The following NAV2 variants were observed in gnomAD, a reference collection of about 807,000 sequenced individuals.
The protein encoded by NAV2 is helicase, APC down-regulated 1.
A neutral mutation model predicts 223.2 loss-of-function variants in NAV2; 54 were observed. The ratio of observed to expected loss-of-function variants is 0.24; its 90% CI spans 0.19 to 0.30. The LOEUF (loss-of-function observed/expected upper bound fraction) is 0.30. NAV2 is among the 10% of genes least tolerant of loss of function. The pLI is 1.00. For missense variants in NAV2, 2,806 were observed against 3,147.5 expected (o/e 0.89, Z 2.60); for synonymous variants, 1,279 against 1,239.3 (o/e 1.03, Z -0.67).
intron 8 of NAV2, 60 bp from the exon 9 acceptor site, chr11:19,946,341 C>A: frequency 6.9e-7 from 1 of 1,455,288 alleles, no homozygotes; most frequent in Non-Finnish European, 9.4e-7. Context: ...ATGGATGCTG[C>A]CCTTATGAAG....
At chr11:19,615,182 T>C (rs554227619) in intron 1 of NAV2, among the ~76,000 whole-genome samples, 1 of 151,640 alleles carries the variant, frequency 6.6e-6, no homozygotes, top group South Asian at 2.1e-4. Flanking sequence ...CAGATGTATA[T>C]ATAATATACT....
chr11:20,069,711 C>A (rs1423821514), intron 22 of NAV2, among the ~76,000 whole-genome samples: 1 of 152,160 alleles, frequency 6.6e-6, no homozygotes, highest in Non-Finnish European at 1.5e-5. Context: ...TCAAGCCAGA[C>A]AGAAAGCAAC....
chr11:19,535,863 T>G (rs943782608), intron 1 of NAV2, among the ~76,000 whole-genome samples: 1 of 152,262 alleles, frequency 6.6e-6, no homozygotes, highest in Middle Eastern at 3.4e-3. Context: ...CAGGGTTGAG[T>G]ATGGGGACCT....
At chr11:20,043,791 AT>A (rs1181554742) in intron 12 of NAV2, 189 bp from the exon 13 acceptor site, 145 of 547,304 alleles carry the variant, frequency 2.6e-4, no homozygotes, top group Middle Eastern at 2.4e-3. Flanking sequence ...TTACTTTTTT[AT>A]TTTTTTTTCC....
intron 3 of NAV2, among the ~76,000 whole-genome samples, chr11:19,857,121 G>A (rs1448443881): frequency 6.6e-6 from 1 of 152,178 alleles, no homozygotes; most frequent in Non-Finnish European, 1.5e-5. Context: ...ATAACAATGT[G>A]GTCTAGTGCT....
chr11:19,854,150 C>T lies in NAV2; in HGVS notation c.438+11227C>T, dbSNP rs910757476. On this transcript the variant is annotated intron_variant, in intron 3 of 37. Transcript: ENST00000349880. The stretch of plus-strand genomic sequence containing the variant: ...CATCTGGGCCTCATGCTTGGATCCA[C>T]CTCCCTGCATATGTCTTCATGGAGT... 5.6e-4 allele frequency among the ~76,000 whole-genome samples: 85 copies of T among 152,190 alleles called. 1 individual carries two copies. Among genetic ancestry groups the T allele is most frequent in the African/African-American group, 2.0e-3 (81 of 41,442 alleles).
intron 1 of NAV2, among the ~76,000 whole-genome samples, chr11:19,529,515 C>T (rs990986401): frequency 5.9e-5 from 9 of 152,066 alleles, no homozygotes; most frequent in Admixed American, 2.0e-4. Context: ...TCTAACATGT[C>T]GCCTTTTTCT....
At chr11:19,679,753 C>G (rs893192812) in intron 1 of NAV2, among the ~76,000 whole-genome samples, 3 of 152,192 alleles carry the variant, frequency 2.0e-5, no homozygotes, top group African/African-American at 4.8e-5. Context: ...CCTGTGTACT[C>G]CTGTACCTGG....
intron 1 of NAV2, among the ~76,000 whole-genome samples, chr11:19,490,231 G>T (rs1167344178): frequency 1.3e-5 from 2 of 152,188 alleles, no homozygotes; most frequent in South Asian, 2.1e-4. Flanking sequence ...GTAACTGAAA[G>T]TTGGCATGGC....
chr11:19,701,703 CA>C (rs1441305657), intron 1 of NAV2, among the ~76,000 whole-genome samples: 2 of 152,200 alleles, frequency 1.3e-5, no homozygotes, highest in African/African-American at 2.4e-5. Context: ...TTTTGGAAAA[CA>C]ATTTAATAGT....
At chr11:19,687,707 C>T (rs941351480) in intron 1 of NAV2, among the ~76,000 whole-genome samples, 1 of 152,144 alleles carries the variant, frequency 6.6e-6, no homozygotes, top group African/African-American at 2.4e-5. Flanking sequence ...TGGCAAATGG[C>T]TGCAGGTTCC....
At chr11:19,778,088 G>T (rs945347534) in intron 1 of NAV2, 2 of 411,496 alleles carry the variant, frequency 4.9e-6, no homozygotes, top group African/African-American at 4.1e-5. Flanking sequence ...TCCCTCCTCC[G>T]TTTTCAAAAA....
intron 3 of NAV2, among the ~76,000 whole-genome samples, chr11:19,862,154 T>C (rs934669775): frequency 6.6e-6 from 1 of 152,258 alleles, no homozygotes; most frequent in African/African-American, 2.4e-5. Flanking sequence ...TAATTTTTTT[T>C]TGTATCCATA....
chr11:20,040,816 G>A (rs917375906), intron 12 of NAV2, among the ~76,000 whole-genome samples: 4 of 152,212 alleles, frequency 2.6e-5, no homozygotes, highest in Non-Finnish European at 4.4e-5. Context: ...CCTGTTGGCT[G>A]GTTCCGCTGT....
In NAV2 at chr11:19,413,329, T is replaced by C. The variant is rs144592263; in HGVS notation, c.75+62302T>C. Among the ~76,000 whole-genome samples, 934 of 152,186 alleles carry C rather than the reference T, an allele frequency of 6.1e-3. 10 individuals are homozygous for C. The highest frequency in any genetic ancestry group is 0.02 in the African/African-American group (817 of 41,534). On this transcript the variant is annotated intron_variant, in intron 1 of 37. Coordinates refer to the NAV2 transcript ENST00000360655. The stretch of plus-strand genomic sequence containing the variant: ...CAAGTGGAAGAAAGGATATCAGAGA[T>C]TGAGGATCAACTTAATGAAATAAAG...
chr11:19,764,950 A>G (rs1487989424), intron 1 of NAV2, among the ~76,000 whole-genome samples: 3 of 152,082 alleles, frequency 2.0e-5, no homozygotes, highest in Non-Finnish European at 4.4e-5. Flanking sequence ...CTTTGCCAAT[A>G]TGTTGCAAAA....
rs778063337 is a variant in NAV2, at chr11:20,103,348, C to T, written c.6511C>T (p.His2171Tyr). ...MPLVIILDNL[H>Y]HVSSLGEIFN... ...CCTCGTCATCATCCTGGACAACCTA[C>T]ACCACGTGAGCTCTCTGGGAGAGAT... The change falls in exon 33 of 38, where the codon CAC becomes TAC. Residue 2171 changes from histidine (H) to tyrosine (Y), a missense_variant. Physicochemically the swap from His to Tyr is moderately conservative, Grantham distance 83. This residue lies in a region of NAV2 where 824 missense variants were observed against 1,069.4 expected (regional missense o/e 0.77). Coordinates refer to ENST00000349880, the MANE Select transcript of NAV2 (RefSeq NM_145117.5). 2.5e-6 allele frequency: 4 copies of T among 1,614,212 alleles called. No homozygotes were observed. The highest frequency in any genetic ancestry group is 1.7e-6 in the Non-Finnish European group (2 of 1,180,004).
intron 3 of NAV2, among the ~76,000 whole-genome samples, chr11:19,856,992 G>A (rs1002167404): frequency 6.6e-6 from 1 of 152,236 alleles, no homozygotes; most frequent in African/African-American, 2.4e-5. Flanking sequence ...GCACAAAGCT[G>A]ACTTACACAG....
chr11:19,595,972 A>G (rs2046197428), intron 1 of NAV2, among the ~76,000 whole-genome samples: 1 of 152,236 alleles, frequency 6.6e-6, no homozygotes, highest in Admixed American at 6.5e-5. Context: ...AAAGATTCCT[A>G]AAACAATACT....
Sources: allele counts gnomAD v4.1 joint callset (sites outside exome capture counted in the v4.1 genomes callset), GRCh38; gene constraint gnomAD v4.1.1; regional missense constraint gnomAD v4.1.1; transcripts MANE v1.5; gene names NCBI Gene and HGNC (gene_info 2026-07-23, HGNC 2026-07-21).